The following TCAF1 variants were observed in gnomAD, a reference collection of about 807,000 sequenced individuals.
TCAF1 encodes the protein TRPM8 channel associated factor 1, also known as TRPM8 channel-associated factor 1.
In TCAF1, 4 loss-of-function variants were observed where a neutral mutation model predicts 27.3. That is an observed-to-expected ratio of 0.15 (90% confidence interval 0.07 to 0.34). The LOEUF is 0.34. Ranked by LOEUF, TCAF1 falls within the 10% of genes least tolerant of loss-of-function variation. The probability of loss-of-function intolerance (pLI) is 1.00; values close to 1 mark genes in which losing one functional copy is unlikely to be tolerated. For synonymous variants in TCAF1, 105 were observed against 167.1 expected, an observed-to-expected ratio of 0.63 and a Z score of 2.87; for missense variants, 257 against 425.8, an observed-to-expected ratio of 0.60 and a Z score of 3.49.
chr7:143,859,777 C>T (rs1467883442), intron 6 of TCAF1, among the ~76,000 whole-genome samples: 13 of 149,842 alleles, frequency 8.7e-5, no homozygotes, highest in East Asian at 4.0e-4. Context: ...CCATTTTTAC[C>T]GGCTTGAAGT....
At chr7:143,883,185 G>A (rs528641228) in intron 1 of TCAF1, among the ~76,000 whole-genome samples, 3 of 152,270 alleles carry the variant, frequency 2.0e-5, no homozygotes, top group South Asian at 2.1e-4. Flanking sequence ...CATTTAGTCG[G>A]TGAATATACC....
At chr7:143,883,883 C>T (rs952812959) in intron 1 of TCAF1, among the ~76,000 whole-genome samples, 5 of 152,200 alleles carry the variant, frequency 3.3e-5, no homozygotes, top group African/African-American at 1.2e-4. Flanking sequence ...ACCTTTCTCA[C>T]AGGTGCTGGC....
Position 143,876,443 on chromosome 7 carries a change from G to A in TCAF1, c.166C>T (p.Arg56Cys), listed in dbSNP as rs774779542. 8 of 1,609,242 alleles carry A rather than the reference G, an allele frequency of 5.0e-6. No individual in the cohort carries two copies. In the East Asian group the frequency reaches 6.7e-5, roughly 13 times the overall value. Reference sequence around the variant, plus strand: ...TGGGACACGACCACCAGGCGGCCACGGCCATAGGAGGAGGCAGCAATGAGG... The same window carrying A: ...TGGGACACGACCACCAGGCGGCCACAGCCATAGGAGGAGGCAGCAATGAGG... ...QVLIAASSYG[R>C]GRLVVVSHED... The change falls in exon 2 of 9, where the codon CGT (arginine) becomes TGT (cysteine). Residue 56 changes from arginine (R) to cysteine (C), a missense_variant. Physicochemically the swap from Arg to Cys is radical, Grantham distance 180 (BLOSUM62 -3). This residue lies in a region of TCAF1 where 255 missense variants were observed against 260.1 expected (regional missense o/e 0.98). Transcript: ENST00000479870.
rs5888117 is a variant in TCAF1 at position 143,897,131 on chromosome 7, A to AATATATATATATATATAT, written c.-15+4812_-15+4829dup. On this transcript the variant is annotated intron_variant, in intron 1 of 8. Coordinates refer to ENST00000479870, the MANE Select transcript of TCAF1 (RefSeq NM_014719.3). ...AAACAGTTTTATTTTGTTAATCTTG[A>AATATATATATATATATAT]ATATATATATATATATATATATATA... 8.7e-5 allele frequency among the ~76,000 whole-genome samples: 7 copies of AATATATATATATATATAT among 80,358 alleles called. 1 individual carries two copies. The highest frequency in any genetic ancestry group is 1.6e-4 in the Non-Finnish European group (6 of 38,150). The allele number at this position is 80,358 out of a possible 152,430, so 52.7% of individuals were successfully genotyped here.
intron 1 of TCAF1, among the ~76,000 whole-genome samples, chr7:143,890,915 A>G (rs1562971373): frequency 6.6e-6 from 1 of 152,238 alleles, no homozygotes; most frequent in Non-Finnish European, 1.5e-5. Context: ...ACAGTTGAGC[A>G]GTCATTTCAG....
intron 2 of TCAF1, among the ~76,000 whole-genome samples, chr7:143,864,603 A>AAGTATAGTAGGATGCAGCTACTAT (rs1188904391): frequency 2.6e-3 from 5 of 1,952 alleles, no homozygotes; most frequent in African/African-American, 6.3e-3. Context: ...TTGTTAGGTA[A>AAGTATAGTAGGATGCAGCTACTAT]AGTATAGTAG....
intron 1 of TCAF1, chr7:143,881,874 A>G (rs1178042014): frequency 1.3e-5 from 2 of 152,190 alleles, no homozygotes; most frequent in African/African-American, 2.4e-5. Context: ...AGAGGATGAC[A>G]TAATTGAGGA....
chr7:143,882,922 C>G, intron 1 of TCAF1: 1 of 966,006 alleles, frequency 1.0e-6, no homozygotes, highest in Non-Finnish European at 1.2e-6. Flanking sequence ...TCCCCACTTC[C>G]TCCCAGGCTG....
At chr7:143,886,830 C>G (rs967384610) in intron 1 of TCAF1, among the ~76,000 whole-genome samples, 1 of 148,184 alleles carries the variant, frequency 6.7e-6, no homozygotes, top group East Asian at 2.0e-4. Context: ...GCTGGGACTA[C>G]AGATGTGCGC....
chr7:143,887,508 T>C (rs535996788), intron 1 of TCAF1, among the ~76,000 whole-genome samples: 1 of 152,318 alleles, frequency 6.6e-6, no homozygotes, highest in East Asian at 1.9e-4. Context: ...ACAAGTATTA[T>C]TTTGCAACGC....
intron 1 of TCAF1, among the ~76,000 whole-genome samples, chr7:143,878,897 T>C (rs974087081): frequency 1.3e-5 from 2 of 152,176 alleles, no homozygotes; most frequent in African/African-American, 2.4e-5. Flanking sequence ...ACCGACCCAA[T>C]TTCTAAGTTA....
intron 1 of TCAF1, among the ~76,000 whole-genome samples, chr7:143,877,703 G>T (rs1371968670): frequency 1.3e-5 from 2 of 152,158 alleles, no homozygotes; most frequent in African/African-American, 4.8e-5. Context: ...GTGTTTTCAT[G>T]GTCAGGTCAT....
At chr7:143,887,027 G>A (rs1303378540) in intron 1 of TCAF1, among the ~76,000 whole-genome samples, 1 of 151,818 alleles carries the variant, frequency 6.6e-6, no homozygotes, top group East Asian at 1.9e-4. Context: ...TTTTGAGCTG[G>A]TTCTATCTCC....
intron 1 of TCAF1, among the ~76,000 whole-genome samples, chr7:143,880,694 C>A (rs916506294): frequency 6.6e-6 from 1 of 152,194 alleles, no homozygotes; most frequent in African/African-American, 2.4e-5. Context: ...AGGTCTTCCT[C>A]CATCTCTGAT....
At chr7:143,879,909 G>A (rs913293401) in intron 1 of TCAF1, among the ~76,000 whole-genome samples, 1 of 152,040 alleles carries the variant, frequency 6.6e-6, no homozygotes, top group African/African-American at 2.4e-5. Context: ...ACGCTGGCAC[G>A]AGTACAAGCA....
intron 2 of TCAF1, among the ~76,000 whole-genome samples, chr7:143,875,708 G>A (rs1489381521): frequency 6.6e-6 from 1 of 152,078 alleles, no homozygotes; most frequent in Non-Finnish European, 1.5e-5. Context: ...CCAACTGTTG[G>A]GGCCAACAGC....
intron 1 of TCAF1, among the ~76,000 whole-genome samples, chr7:143,900,646 G>C (rs575541560): frequency 4.6e-5 from 7 of 152,118 alleles, no homozygotes; most frequent in Non-Finnish European, 1.0e-4. Flanking sequence ...CACAGAAACT[G>C]TAAGATAGGA....
rs796831804 is a variant in TCAF1 at position 143,860,028 on chromosome 7, T to A, written c.2167+180A>T. ...TATATATATAATATATATTATATAT[T>A]ATATATATAATATATAATATATATT... On this transcript the variant is annotated intron_variant, in intron 6 of 8. Coordinates refer to ENST00000479870, the MANE Select transcript of TCAF1 (RefSeq NM_014719.3). 2.4e-3 allele frequency among the ~76,000 whole-genome samples: 10 copies of A among 4,250 alleles called. No homozygotes were observed. The South Asian group carries it at 0.12, about 53-fold the overall frequency. The allele number at this position is 4,250 out of a possible 152,430, so 2.8% of individuals were successfully genotyped here.
At chr7:143,900,361 T>C (rs1364421037) in intron 1 of TCAF1, among the ~76,000 whole-genome samples, 1 of 152,098 alleles carries the variant, frequency 6.6e-6, no homozygotes, top group South Asian at 2.1e-4. Context: ...CTTTCTCTTT[T>C]TCTCTGTGGG....
Sources: gnomAD v4.1 joint callset for allele counts (sites outside exome capture counted in the v4.1 genomes callset) on GRCh38, gnomAD v4.1.1 for gene constraint, gnomAD v4.1.1 regional missense constraint, MANE v1.5 for transcripts, NCBI Gene and HGNC (gene_info 2026-07-23, HGNC 2026-07-21) for gene names.